The following TBC1D1 variants were observed in gnomAD, a reference collection of about 807,000 sequenced individuals.
TBC1D1 encodes TBC1 domain family member 1, also known as TBC1 (tre-2/USP6, BUB2, cdc16) domain family, member 1.
Under a neutral mutation model 125.6 loss-of-function variants are expected in TBC1D1, and 89 were observed. The ratio of observed to expected loss-of-function variants is 0.71; its 90% CI spans 0.60 to 0.85. The LOEUF is 0.85. Ranked by LOEUF, TBC1D1 falls within the 40% of genes least tolerant of loss-of-function variation. The probability of loss-of-function intolerance (pLI) is 0.00; values close to 1 mark genes in which losing one functional copy is unlikely to be tolerated. For missense variants in TBC1D1, 1,377 were observed against 1,469.2 expected, an observed-to-expected ratio of 0.94 and a Z score of 1.03; for synonymous variants, 565 against 564.1, an observed-to-expected ratio of 1.00 and a Z score of -0.02.
intron 15 of TBC1D1, among the ~76,000 whole-genome samples, chr4:38,108,171 G>C (rs1341549726): frequency 6.6e-6 from 1 of 152,170 alleles, no homozygotes; most frequent in Non-Finnish European, 1.5e-5. Flanking sequence ...TCTGTCTGGG[G>C]CTCCCACTGT....
At chr4:38,128,404 C>T (rs1765016348) in intron 18 of TBC1D1, among the ~76,000 whole-genome samples, 1 of 152,128 alleles carries the variant, frequency 6.6e-6, no homozygotes, top group African/African-American at 2.4e-5. Flanking sequence ...CAGCATGATT[C>T]CTCTGCAGCC....
chr4:37,956,854 A>T (rs1339896018), intron 2 of TBC1D1, among the ~76,000 whole-genome samples: 1 of 151,814 alleles, frequency 6.6e-6, no homozygotes, highest in African/African-American at 2.4e-5. Context: ...CACGAGAATC[A>T]CTTGAACCCA....
intron 2 of TBC1D1, among the ~76,000 whole-genome samples, chr4:37,991,790 T>C (rs1351693396): frequency 6.6e-6 from 1 of 152,192 alleles, no homozygotes; most frequent in Non-Finnish European, 1.5e-5. Context: ...CTAGCCTGGC[T>C]CTGTGACCAG....
chr4:38,047,386 C>T (rs1749695936), intron 10 of TBC1D1, among the ~76,000 whole-genome samples: 1 of 152,118 alleles, frequency 6.6e-6, no homozygotes, highest in African/African-American at 2.4e-5. Flanking sequence ...CAAGGCAATG[C>T]TGCTGCTCCT....
intron 2 of TBC1D1, among the ~76,000 whole-genome samples, chr4:37,970,115 T>C (rs780984668): frequency 6.6e-6 from 1 of 152,252 alleles, no homozygotes; most frequent in Non-Finnish European, 1.5e-5. Context: ...TATTCCATTG[T>C]GTGGATATAC....
At chr4:38,132,981 G>A (rs1207696999) in intron 18 of TBC1D1, 103 bp from the exon 21 acceptor site, 4 of 938,164 alleles carry the variant, frequency 4.3e-6, no homozygotes, top group Admixed American at 5.0e-5. Flanking sequence ...TAAGCGTAGA[G>A]GAGACGCTTC....
At chr4:37,965,362 G>A (rs1446894544) in intron 2 of TBC1D1, among the ~76,000 whole-genome samples, 1 of 152,216 alleles carries the variant, frequency 6.6e-6, no homozygotes, top group Admixed American at 6.5e-5. Context: ...GTGTCTGGCA[G>A]ATAGGAAGCA....
Position 38,137,192 on chromosome 4 carries a change from G to A in TBC1D1, c.3364G>A (p.Glu1122Lys), listed in dbSNP as rs1578895278. 1 of 1,613,298 alleles carries A rather than the reference G, an allele frequency of 6.2e-7. No individual in the cohort carries two copies. The highest frequency in any genetic ancestry group is 8.5e-7 in the Non-Finnish European group (1 of 1,180,036). Residue 1122 changes from glutamate to lysine, a missense_variant, in exon 20 of 20, where the codon GAG becomes AAG. Glu to Lys is a moderately conservative substitution (Grantham distance 56). Around this residue, in one of 3 missense-constraint regions of TBC1D1, gnomAD observed 543 missense variants for 613.5 expected, o/e 0.89. Coordinates refer to ENST00000261439, the MANE Select transcript of TBC1D1 (RefSeq NM_015173.4). ...CACCATTGAGAAGCTCCTGAGCAGTGAGAGCAAGCTGAAGCAGGCCATGCT... is the reference window on the plus strand; with the variant it reads ...CACCATTGAGAAGCTCCTGAGCAGTAAGAGCAAGCTGAAGCAGGCCATGCT...
In TBC1D1 at chr4:38,054,183, C is replaced by T. The variant is rs1377906884; in HGVS notation, c.1911-16C>T. Reference sequence around the variant, plus strand: ...TCCTCCCCACTAGTCATAAATCAATCATCTTATAATTTTAGGGACTTTGAA... The same window carrying T: ...TCCTCCCCACTAGTCATAAATCAATTATCTTATAATTTTAGGGACTTTGAA... On this transcript the variant is annotated splice_polypyrimidine_tract_variant and intron_variant, in intron 11 of 19. Transcript: ENST00000261439. The T allele has an allele frequency of 6.2e-7, 1 of 1,611,966 alleles. No individual in the cohort carries two copies. The highest frequency in any genetic ancestry group is 1.3e-5 in the African/African-American group (1 of 75,020).
At chr4:37,984,137 A>T (rs915068514) in intron 2 of TBC1D1, among the ~76,000 whole-genome samples, 3 of 151,888 alleles carry the variant, frequency 2.0e-5, no homozygotes. Context: ...AATTGCCTGG[A>T]TGTACCACAG....
intron 2 of TBC1D1, among the ~76,000 whole-genome samples, chr4:37,914,483 T>G (rs891565540): frequency 2.6e-4 from 39 of 152,280 alleles, no homozygotes; most frequent in African/African-American, 8.9e-4. Flanking sequence ...CTTCCTTTGC[T>G]CCATTACAGA....
At chr4:37,909,124 G>C (rs1717990988) in intron 2 of TBC1D1, among the ~76,000 whole-genome samples, 2 of 152,138 alleles carry the variant, frequency 1.3e-5, no homozygotes, top group African/African-American at 4.8e-5. Context: ...AGGAACCAGT[G>C]TATTCTTGCA....
intron 2 of TBC1D1, among the ~76,000 whole-genome samples, chr4:37,912,275 G>A (rs532811343): frequency 2.0e-5 from 3 of 152,326 alleles, no homozygotes; most frequent in Admixed American, 6.5e-5. Flanking sequence ...TGGGACATTC[G>A]AGTGGGTTTT....
chr4:37,935,154 G>T (rs896988487), intron 2 of TBC1D1, among the ~76,000 whole-genome samples: 7 of 152,154 alleles, frequency 4.6e-5, no homozygotes, highest in African/African-American at 1.7e-4. Context: ...CCAGAAATGA[G>T]CAATGAGTAT....
chr4:37,907,630 T>A (rs1717614842), intron 2 of TBC1D1, among the ~76,000 whole-genome samples: 1 of 152,192 alleles, frequency 6.6e-6, no homozygotes, highest in African/African-American at 2.4e-5. Context: ...AAATGTAGTG[T>A]TGCCTTTGAG....
At chr4:37,915,524 T>C (rs180931857) in intron 2 of TBC1D1, among the ~76,000 whole-genome samples, 5 of 152,298 alleles carry the variant, frequency 3.3e-5, no homozygotes, top group Admixed American at 3.3e-4. Flanking sequence ...TGCTCTGTCT[T>C]TTTCTTCTAT....
intron 15 of TBC1D1, among the ~76,000 whole-genome samples, chr4:38,114,830 C>A (rs1024357341): frequency 6.6e-6 from 1 of 151,750 alleles, no homozygotes; most frequent in South Asian, 2.1e-4. Context: ...AAAGAAAACA[C>A]CTGCTGCTCC....
chr4:37,906,264 C>T (rs1194954552), intron 2 of TBC1D1, among the ~76,000 whole-genome samples: 1 of 152,168 alleles, frequency 6.6e-6, no homozygotes, highest in African/African-American at 2.4e-5. Context: ...TCTCCTGCCT[C>T]AGCCCACCAA....
chr4:37,922,399 C>CT (rs1197704863), intron 2 of TBC1D1, among the ~76,000 whole-genome samples: 1 of 152,156 alleles, frequency 6.6e-6, no homozygotes, highest in Non-Finnish European at 1.5e-5. Flanking sequence ...TTGTGTAACT[C>CT]TAACTACAAG....
Sources: gnomAD v4.1 joint callset for allele counts (sites outside exome capture counted in the v4.1 genomes callset) on GRCh38, gnomAD v4.1.1 for gene constraint, gnomAD v4.1.1 regional missense constraint, MANE v1.5 for transcripts, NCBI Gene and HGNC (gene_info 2026-07-23, HGNC 2026-07-21) for gene names.